The following MECOM variants were observed in gnomAD, a reference collection of about 807,000 sequenced individuals.
MECOM encodes MDS1 and EVI1 complex locus, also known as histone-lysine N-methyltransferase MECOM.
Under a neutral mutation model 116.3 loss-of-function variants are expected in MECOM, and 13 were observed. The observed-to-expected ratio is 0.11, with a 90% CI of 0.07 to 0.18. The LOEUF (loss-of-function observed/expected upper bound fraction) is 0.18. Ranked by LOEUF, MECOM falls within the 10% of genes least tolerant of loss-of-function variation. MECOM has a pLI of 1.00. For missense variants in MECOM, 1,299 were observed against 1,509.0 expected, an observed-to-expected ratio of 0.86 and a Z score of 2.31; for synonymous variants, 528 against 535.2, an observed-to-expected ratio of 0.99 and a Z score of 0.19.
chr3:169,554,414 A>G (rs967067374), intron 1 of MECOM, among the ~76,000 whole-genome samples: 1 of 152,180 alleles, frequency 6.6e-6, no homozygotes, highest in African/African-American at 2.4e-5. Context: ...CTGTTATTCA[A>G]GTTAAAGAGT....
intron 1 of MECOM, among the ~76,000 whole-genome samples, chr3:169,445,118 G>C (rs144193599): frequency 0.01 from 1,537 of 152,312 alleles, 22 homozygotes; most frequent in African/African-American, 0.036. Context: ...TGATGCAGTA[G>C]AAAAGAAAAA....
At chr3:169,433,639 G>GAGAAAGAAAGAA (rs748166969) in intron 1 of MECOM, among the ~76,000 whole-genome samples, 12,694 of 126,818 alleles carry the variant, frequency 0.1, 745 homozygotes, top group Middle Eastern at 0.12. Flanking sequence ...GAAAGAGAAA[G>GAGAAAGAAAGAA]AGAAAGAAAG....
At chr3:169,605,400 TC>T (rs1393294041) in intron 1 of MECOM, among the ~76,000 whole-genome samples, 3 of 152,254 alleles carry the variant, frequency 2.0e-5, no homozygotes, top group African/African-American at 7.2e-5. Flanking sequence ...TAGCTCTTAC[TC>T]TTTTTTCTGT....
intron 2 of MECOM, among the ~76,000 whole-genome samples, chr3:169,281,942 T>G (rs1178975279): frequency 6.6e-6 from 1 of 152,242 alleles, no homozygotes. Flanking sequence ...CATTATTTCC[T>G]TGGGACTATA....
chr3:169,127,062 T>C (rs1733107244), intron 5 of MECOM, among the ~76,000 whole-genome samples: 1 of 152,054 alleles, frequency 6.6e-6, no homozygotes, highest in African/African-American at 2.4e-5. Context: ...AAGGCAAAAA[T>C]CATTAGGTAG....
intron 2 of MECOM, among the ~76,000 whole-genome samples, chr3:169,301,705 C>T (rs1398204739): frequency 6.6e-6 from 1 of 152,124 alleles, no homozygotes; most frequent in African/African-American, 2.4e-5. Flanking sequence ...AAAAGATATG[C>T]TAATTTTGAT....
At chr3:169,513,273 C>G (rs780860662) in intron 1 of MECOM, among the ~76,000 whole-genome samples, 6 of 152,232 alleles carry the variant, frequency 3.9e-5, no homozygotes, top group Non-Finnish European at 8.8e-5. Context: ...CATGCATCAA[C>G]CACATGCACA....
rs528174193 is a variant in MECOM at position 169,376,974 on chromosome 3, C to T, written c.375+4213G>A. On this transcript the variant is annotated intron_variant, in intron 2 of 16. Transcript: ENST00000651503. ...AAACAGCATGGTACTGGTGCCAAAA[C>T]GGATAAAGTAGACCAATAGAACAGA... 8.5e-5 allele frequency among the ~76,000 whole-genome samples: 13 copies of T among 152,186 alleles called. No homozygotes were observed. The South Asian group carries it at 1.2e-3, about 15-fold the overall frequency.
chr3:169,600,538 G>C (rs930133678), intron 1 of MECOM, among the ~76,000 whole-genome samples: 2 of 152,090 alleles, frequency 1.3e-5, no homozygotes, highest in African/African-American at 4.8e-5. Context: ...TTACCCAGGG[G>C]CCATGATTAA....
chr3:169,239,300 A>C (rs1754485283), intron 2 of MECOM, among the ~76,000 whole-genome samples: 1 of 152,052 alleles, frequency 6.6e-6, no homozygotes, highest in Admixed American at 6.5e-5. Flanking sequence ...ATGTAATACC[A>C]ATAAGGAGAA....
intron 1 of MECOM, among the ~76,000 whole-genome samples, chr3:169,411,502 G>C (rs148483353): frequency 4.6e-5 from 7 of 152,300 alleles, no homozygotes; most frequent in African/African-American, 1.7e-4. Flanking sequence ...CCTCCTGACT[G>C]TATGAAGAAG....
chr3:169,413,445 A>T lies in MECOM; in HGVS notation c.38-31921T>A, dbSNP rs552601958. 1.8e-3 allele frequency among the ~76,000 whole-genome samples: 281 copies of T among 151,930 alleles called. 1 individual carries two copies. Among genetic ancestry groups the T allele is most frequent in the African/African-American group, 6.2e-3 (257 of 41,396 alleles). On this transcript the variant is annotated intron_variant, in intron 1 of 16. Coordinates refer to ENST00000651503, the MANE Select transcript of MECOM (RefSeq NM_004991.4). Reference sequence around the variant, plus strand: ...CTGGGGGGCCATTTGGGCAGACACCAAGCTAGCTGCTAGCTGCAGGAGTTT... The same window carrying T: ...CTGGGGGGCCATTTGGGCAGACACCTAGCTAGCTGCTAGCTGCAGGAGTTT...
At chr3:169,436,717 G>T (rs1226456253) in intron 1 of MECOM, among the ~76,000 whole-genome samples, 2 of 151,892 alleles carry the variant, frequency 1.3e-5, no homozygotes, top group Non-Finnish European at 2.9e-5. Context: ...CATAATTAGG[G>T]CTCAAAAACT....
chr3:169,322,979 G>A (rs1721156771), intron 2 of MECOM, among the ~76,000 whole-genome samples: 1 of 107,662 alleles, frequency 9.3e-6, no homozygotes, highest in Non-Finnish European at 1.7e-5. Flanking sequence ...CAGCCTGCAT[G>A]ACAGAGCAAG....
At chr3:169,149,057 T>C (rs1577183279) in intron 2 of MECOM, among the ~76,000 whole-genome samples, 1 of 151,378 alleles carries the variant, frequency 6.6e-6, no homozygotes, top group East Asian at 1.9e-4. Context: ...CTCCCTCAAC[T>C]TGCCCATTGT....
intron 2 of MECOM, among the ~76,000 whole-genome samples, chr3:169,317,280 C>T (rs1332903722): frequency 6.6e-6 from 1 of 152,224 alleles, no homozygotes; most frequent in East Asian, 1.9e-4. Flanking sequence ...AGTTTCAAAA[C>T]TCTGAGTTTT....
At chr3:169,494,701 G>C (rs1161395862) in intron 1 of MECOM, among the ~76,000 whole-genome samples, 2 of 152,338 alleles carry the variant, frequency 1.3e-5, no homozygotes, top group South Asian at 2.1e-4. Context: ...GGAAGGTAGA[G>C]GACAGTGAGG....
Position 169,412,753 on chromosome 3 carries a change from A to G in MECOM, c.38-31229T>C, listed in dbSNP as rs973021497. Among the ~76,000 whole-genome samples, 12 of 152,322 alleles carry G rather than the reference A, an allele frequency of 7.9e-5. 1 individual carries two copies. Among genetic ancestry groups the G allele is most frequent in the Admixed American group, 2.6e-4 (4 of 15,298 alleles). Reference sequence around the variant, plus strand: ...TATTATGATCTAAATAATATAATATAACTGAAACATATAAGAACATCACTA... The same window carrying G: ...TATTATGATCTAAATAATATAATATGACTGAAACATATAAGAACATCACTA... On this transcript the variant is annotated intron_variant, in intron 1 of 16. Transcript: ENST00000651503.
At chr3:169,259,853 A>G (rs1757332963) in intron 2 of MECOM, among the ~76,000 whole-genome samples, 1 of 152,252 alleles carries the variant, frequency 6.6e-6, no homozygotes, top group African/African-American at 2.4e-5. Flanking sequence ...GAGTAAGTCT[A>G]TAGCCCCTGG....
Sources: allele counts gnomAD v4.1 joint callset (sites outside exome capture counted in the v4.1 genomes callset), GRCh38; gene constraint gnomAD v4.1.1; transcripts MANE v1.5; gene names NCBI Gene and HGNC (gene_info 2026-07-23, HGNC 2026-07-21).